Variants in XKR4 observed in about 807,000 individuals in gnomAD.
XKR4 encodes the protein XK related 4, also known as XK-related protein 4.
Under a neutral mutation model 53.9 loss-of-function variants are expected in XKR4, and 12 were observed. The observed-to-expected ratio is 0.22, with a 90% confidence interval of 0.14 to 0.36. The LOEUF (loss-of-function observed/expected upper bound fraction) is 0.36. XKR4 is among the 10% of genes least tolerant of loss of function. The pLI is 1.00. For missense variants in XKR4, 799 were observed against 859.5 expected (o/e 0.93, Z 0.88); for synonymous variants, 354 against 362.4 (o/e 0.98, Z 0.26).
chr8:55,133,217 A>G (rs1464767833), intron 1 of XKR4, among the ~76,000 whole-genome samples: 1 of 152,266 alleles, frequency 6.6e-6, no homozygotes, highest in Non-Finnish European at 1.5e-5. Context: ...GGAATACACA[A>G]GAAATTTTTA....
At chr8:55,454,966 A>T in intron 2 of XKR4, 1 of 859,154 alleles carries the variant, frequency 1.2e-6, no homozygotes, top group Non-Finnish European at 2.0e-6. Context: ...AGGTCGGTGG[A>T]TTCCTCTCGG....
intron 1 of XKR4, among the ~76,000 whole-genome samples, chr8:55,310,573 T>C (rs1264610392): frequency 6.6e-6 from 1 of 152,232 alleles, no homozygotes; most frequent in South Asian, 2.1e-4. Context: ...AAATGGCATA[T>C]AATTTTGTAG....
At position 55,102,938 on chromosome 8, in the gene XKR4, C is replaced by T. The variant is rs753272293; in HGVS notation, c.450C>T (p.Phe150=). 8 of 1,611,712 alleles carry T rather than the reference C, an allele frequency of 5.0e-6. No individual in the cohort carries two copies. Among genetic ancestry groups the T allele is most frequent in the Non-Finnish European group, 5.9e-6 (7 of 1,179,870 alleles). The change falls in exon 1 of 3, where the codon TTC becomes TTT. Residue 150 remains phenylalanine (F), a synonymous_variant. Coordinates refer to ENST00000327381, the MANE Select transcript of XKR4 (RefSeq NM_052898.2). This position sits in a 1 kb window ranked among gnomAD's most constrained non-coding sequence, Gnocchi z 5.1. ...GQRWWFGLTL[F]FVVLGSLSVQ... ...GCTGGTGGTTCGGGCTCACGCTCTTCTTCGTGGTGCTCGGCTCTCTGTCGG... is the reference window on the plus strand; with the variant it reads ...GCTGGTGGTTCGGGCTCACGCTCTTTTTCGTGGTGCTCGGCTCTCTGTCGG...
At chr8:55,115,969 C>T (rs1318555645) in intron 1 of XKR4, among the ~76,000 whole-genome samples, 1 of 152,146 alleles carries the variant, frequency 6.6e-6, no homozygotes, top group Non-Finnish European at 1.5e-5. Context: ...GCCTTCACAA[C>T]AGTGGTGGAT....
chr8:55,257,257 A>G (rs1013552001), intron 1 of XKR4, among the ~76,000 whole-genome samples: 5 of 152,186 alleles, frequency 3.3e-5, no homozygotes, highest in African/African-American at 9.7e-5. Flanking sequence ...GACAGAGTCA[A>G]CTCACGAAGT....
At chr8:55,394,196 C>T (rs1001330226) in intron 2 of XKR4, among the ~76,000 whole-genome samples, 1 of 152,146 alleles carries the variant, frequency 6.6e-6, no homozygotes, top group Non-Finnish European at 1.5e-5. Flanking sequence ...ACTAGCTCAC[C>T]TTCATTCAGT....
chr8:55,311,517 G>GA (rs1380655633), intron 1 of XKR4, among the ~76,000 whole-genome samples: 2 of 152,186 alleles, frequency 1.3e-5, no homozygotes, highest in Non-Finnish European at 2.9e-5. Context: ...GCTAGAAGGT[G>GA]AGGGGAACCC....
intron 1 of XKR4, among the ~76,000 whole-genome samples, chr8:55,128,543 T>A (rs1816507627): frequency 6.6e-6 from 1 of 152,224 alleles, no homozygotes. Context: ...AGGCAAGCCT[T>A]CAAAGTCAGT....
Position 55,526,830 on chromosome 8 carries a change from T to A in XKR4, c.*2603T>A, listed in dbSNP as rs181093816. 5 of 152,274 alleles carry A rather than the reference T, an allele frequency of 3.3e-5. No individual in the cohort carries two copies. The East Asian group carries it at 7.7e-4, about 23-fold the overall frequency. The allele number at this position is 152,274 out of a possible 1,614,324, so 9.4% of individuals were successfully genotyped here. ...GAATGAATACTATGTCAATGAAAAA[T>A]GATGTACTGTGCTTTGACTTGGAGG... On this transcript the variant is annotated 3_prime_UTR_variant, in exon 3 of 3. Coordinates refer to ENST00000327381, the MANE Select transcript of XKR4 (RefSeq NM_052898.2).
intron 1 of XKR4, among the ~76,000 whole-genome samples, chr8:55,124,465 C>T (rs759106266): frequency 6.6e-6 from 1 of 152,222 alleles, no homozygotes; most frequent in Non-Finnish European, 1.5e-5. Flanking sequence ...AGATTTAAAG[C>T]TCATGATTGT....
chr8:55,352,183 T>C (rs1803733503), intron 1 of XKR4, among the ~76,000 whole-genome samples: 1 of 152,252 alleles, frequency 6.6e-6, no homozygotes, highest in South Asian at 2.1e-4. Context: ...TGGCCAGTTT[T>C]ACCCGGGTGG....
At chr8:55,169,854 A>T (rs992362186) in intron 1 of XKR4, among the ~76,000 whole-genome samples, 1 of 152,240 alleles carries the variant, frequency 6.6e-6, no homozygotes, top group Non-Finnish European at 1.5e-5. Flanking sequence ...ACTAGAAAGG[A>T]GTCATCGTGT....
At chr8:55,297,540 C>CT (rs964752813) in intron 1 of XKR4, among the ~76,000 whole-genome samples, 8 of 152,238 alleles carry the variant, frequency 5.3e-5, no homozygotes, top group Non-Finnish European at 1.0e-4. Flanking sequence ...TGGCCATGAC[C>CT]TACTGAGATA....
At chr8:55,216,937 T>G (rs1817808583) in intron 1 of XKR4, among the ~76,000 whole-genome samples, 1 of 151,894 alleles carries the variant, frequency 6.6e-6, no homozygotes, top group Non-Finnish European at 1.5e-5. Context: ...AAAAGAAATA[T>G]GCAAAAAAGA....
At chr8:55,161,439 G>T in intron 1 of XKR4, 1 of 428,202 alleles carries the variant, frequency 2.3e-6, no homozygotes, top group South Asian at 1.7e-5. Flanking sequence ...AGGTCCCAAG[G>T]GAAACTAGAG....
intron 2 of XKR4, among the ~76,000 whole-genome samples, chr8:55,418,769 G>C (rs1160350191): frequency 6.6e-6 from 1 of 152,188 alleles, no homozygotes; most frequent in Admixed American, 6.5e-5. Context: ...TGCCTGGAAG[G>C]CCCTTCCTGA....
chr8:55,291,872 T>C (rs1819026162), intron 1 of XKR4, among the ~76,000 whole-genome samples: 1 of 152,160 alleles, frequency 6.6e-6, no homozygotes. Context: ...CTTACTTTTC[T>C]GAGGTATTTT....
intron 1 of XKR4, among the ~76,000 whole-genome samples, chr8:55,114,499 C>A (rs535785845): frequency 4.6e-5 from 7 of 152,238 alleles, no homozygotes; most frequent in African/African-American, 1.7e-4. Context: ...AGCACATCAT[C>A]ACAAATGGGG....
rs142113236 is a variant in XKR4, at chr8:55,197,204, C to T, written c.806+93910C>T. On this transcript the variant is annotated intron_variant, in intron 1 of 2. Coordinates refer to ENST00000327381, the MANE Select transcript of XKR4 (RefSeq NM_052898.2). ...AACAACTCTTGATGATTCAGCTCAA[C>T]AATCGTCTCAGCCATTTCCATATAT... Among the ~76,000 whole-genome samples, 324 of 152,276 alleles carry T rather than the reference C, an allele frequency of 2.1e-3. 1 individual carries two copies. The highest frequency in any genetic ancestry group is 7.3e-3 in the African/African-American group (303 of 41,548).
Sources: allele counts gnomAD v4.1 joint callset (sites outside exome capture counted in the v4.1 genomes callset), GRCh38; gene constraint gnomAD v4.1.1; non-coding constraint Gnocchi (gnomAD v3.1); transcripts MANE v1.5; gene names NCBI Gene and HGNC (gene_info 2026-07-23, HGNC 2026-07-21).